Variants in FRYL observed in about 807,000 individuals in gnomAD.
The protein encoded by FRYL is protein furry homolog-like.
A neutral mutation model predicts 351.2 loss-of-function variants in FRYL; 150 were observed. The observed-to-expected ratio is 0.43, with a 90% confidence interval of 0.37 to 0.49. The LOEUF is 0.49. FRYL is among the 20% of genes least tolerant of loss of function. The probability of loss-of-function intolerance (pLI) is 0.00; values close to 1 mark genes in which losing one functional copy is unlikely to be tolerated. For synonymous variants in FRYL, 1,153 were observed against 1,257.1 expected (o/e 0.92, Z 1.75); for missense variants, 3,036 against 3,619.3 (o/e 0.84, Z 4.13).
intron 3 of FRYL, among the ~76,000 whole-genome samples, chr4:48,649,751 C>T (rs1242497025): frequency 1.3e-5 from 2 of 152,128 alleles, no homozygotes; most frequent in Non-Finnish European, 2.9e-5. Context: ...GAAATAAGCT[C>T]AACTATAATC....
At chr4:48,534,189 G>A (rs893455946) in intron 49 of FRYL, among the ~76,000 whole-genome samples, 5 of 152,192 alleles carry the variant, frequency 3.3e-5, no homozygotes, top group African/African-American at 1.2e-4. Context: ...CTGCGCCACT[G>A]CACTCCAGCC....
chr4:48,520,920 T>A, intron 55 of FRYL, 128 bp downstream of exon 55: 1 of 592,830 alleles, frequency 1.7e-6, no homozygotes. Context: ...TCATTTAAAA[T>A]AACTCAACAG....
At chr4:48,510,735 C>A (rs1722296766) in intron 58 of FRYL, 100 bp downstream of exon 58, 5 of 941,494 alleles carry the variant, frequency 5.3e-6, no homozygotes, top group Non-Finnish European at 8.4e-6. Flanking sequence ...AAAATACGAA[C>A]CTTTATACCA....
At chr4:48,553,804 T>C (rs1397145295) in intron 35 of FRYL, among the ~76,000 whole-genome samples, 1 of 152,178 alleles carries the variant, frequency 6.6e-6, no homozygotes, top group African/African-American at 2.4e-5. Context: ...GCCTTCCCCA[T>C]TCCCTATAGT....
At chr4:48,663,762 G>A (rs1263469213) in intron 3 of FRYL, among the ~76,000 whole-genome samples, 1 of 106,686 alleles carries the variant, frequency 9.4e-6, no homozygotes, top group African/African-American at 3.7e-5. Flanking sequence ...GCGACAGAGC[G>A]AGACTCCGTC....
chr4:48,535,596 C>CACACAT (rs1416285624), intron 48 of FRYL, 61 bp downstream of exon 48: 11 of 936,788 alleles, frequency 1.2e-5, no homozygotes, highest in African/African-American at 1.7e-5. Context: ...TACACACACA[C>CACACAT]ACACACACAC....
At chr4:48,728,001 AT>A (rs1452318756) in intron 1 of FRYL, among the ~76,000 whole-genome samples, 1 of 152,220 alleles carries the variant, frequency 6.6e-6, no homozygotes, top group African/African-American at 2.4e-5. Context: ...TCAGAGGACT[AT>A]AGAAGACCTC....
In FRYL at chr4:48,643,636, CAAT is replaced by C. The variant is rs1209208768; in HGVS notation, c.-80-9149_-80-9147del. Among the ~76,000 whole-genome samples, 3 of 151,868 alleles carry C rather than the reference CAAT, an allele frequency of 2.0e-5. No individual in the cohort carries two copies. The East Asian group carries it at 5.8e-4, about 29-fold the overall frequency. ...CCATCCTGGAGATGATAAGTAAATG[CAAT>C]AATATTAAAAAATTAAATCGTTACA... On this transcript the variant is annotated intron_variant, in intron 3 of 63. Coordinates refer to ENST00000358350, the MANE Select transcript of FRYL (RefSeq NM_015030.2).
At chr4:48,556,948 T>A in intron 35 of FRYL, 30 bp downstream of exon 35, 1 of 1,508,406 alleles carries the variant, frequency 6.6e-7, no homozygotes, top group Non-Finnish European at 9.0e-7. Context: ...TATACATATA[T>A]TTTAAAATTA....
chr4:48,717,056 GGT>G (rs1768930110), intron 1 of FRYL, among the ~76,000 whole-genome samples: 1 of 146,448 alleles, frequency 6.8e-6, no homozygotes, highest in Non-Finnish European at 1.5e-5. Context: ...CTCACTCTTA[GGT>G]GGGAATTGAA....
rs1190691155 is a variant in FRYL at position 48,535,720 on chromosome 4, C to T, written c.6501G>A (p.Val2167=). 6.2e-7 allele frequency: 1 copy of T among 1,610,176 alleles called. No individual in the cohort carries two copies. Among genetic ancestry groups the T allele is most frequent in the Non-Finnish European group, 8.5e-7 (1 of 1,177,764 alleles). The change falls in exon 48 of 64, where the codon GTG becomes GTA. Residue 2167 remains valine (V), a synonymous_variant. Transcript: ENST00000358350. The stretch of plus-strand genomic sequence containing the variant: ...AGAAGGAGTCATGCAGGTATCTGCA[C>T]ACGACATTGATCCAGTTAGAACAGT... ...SRDCSNWINV[V]CRYLHDSFSD... is the part of the protein sequence containing the mutation.
chr4:48,610,564 T>C (rs1414398135), intron 7 of FRYL, among the ~76,000 whole-genome samples: 1 of 150,076 alleles, frequency 6.7e-6, no homozygotes, highest in South Asian at 2.1e-4. Flanking sequence ...AATATGTATA[T>C]ATCACAATTT....
intron 4 of FRYL, among the ~76,000 whole-genome samples, chr4:48,629,529 T>C (rs139258314): frequency 6.6e-6 from 1 of 152,324 alleles, no homozygotes; most frequent in Non-Finnish European, 1.5e-5. Context: ...TTGTTCTAGG[T>C]TCTGGAGATA....
chr4:48,681,905 A>G (rs1764666461), intron 3 of FRYL, among the ~76,000 whole-genome samples: 1 of 152,238 alleles, frequency 6.6e-6, no homozygotes, highest in Non-Finnish European at 1.5e-5. Context: ...AAATAGCAAA[A>G]GTAGCCAATC....
chr4:48,633,817 C>G (rs1222605430), intron 4 of FRYL, among the ~76,000 whole-genome samples: 1 of 152,174 alleles, frequency 6.6e-6, no homozygotes, highest in Non-Finnish European at 1.5e-5. Flanking sequence ...TGTCTTCTCT[C>G]TCTATTGTTC....
At chr4:48,692,167 G>A (rs905011280) in intron 2 of FRYL, among the ~76,000 whole-genome samples, 3 of 152,164 alleles carry the variant, frequency 2.0e-5, no homozygotes, top group Admixed American at 2.0e-4. Flanking sequence ...CCTGAGTTAG[G>A]ATTTTTCAAC....
intron 2 of FRYL, among the ~76,000 whole-genome samples, chr4:48,694,780 A>G (rs1284415089): frequency 6.6e-6 from 1 of 152,196 alleles, no homozygotes; most frequent in Admixed American, 6.5e-5. Context: ...GCCCAAAAAA[A>G]CTGCCCCATG....
At chr4:48,614,720 T>C (rs866528348) in intron 7 of FRYL, among the ~76,000 whole-genome samples, 2 of 234 alleles carry the variant, frequency 8.5e-3, no homozygotes, top group Non-Finnish European at 8.5e-3. Flanking sequence ...AGACTCCATC[T>C]CAAAAAAAAA....
At chr4:48,541,937 C>T (rs780237818) in intron 45 of FRYL, 90 bp downstream of exon 45, 81 of 882,496 alleles carry the variant, frequency 9.2e-5, no homozygotes, top group Non-Finnish European at 1.4e-4. Flanking sequence ...ATTGTGCTTA[C>T]TAACAATATT....
Sources: gnomAD v4.1 joint callset for allele counts (sites outside exome capture counted in the v4.1 genomes callset) on GRCh38, gnomAD v4.1.1 for gene constraint, MANE v1.5 for transcripts, NCBI Gene and HGNC (gene_info 2026-07-23, HGNC 2026-07-21) for gene names.